HMCN1: variants seen among roughly 807,000 people sequenced by gnomAD.
HMCN1 encodes the protein hemicentin 1.
HMCN1 carries 321 observed loss-of-function variants against 625.9 expected under a neutral mutation model. The observed-to-expected ratio is 0.51, with a 90% CI of 0.47 to 0.56. The LOEUF (loss-of-function observed/expected upper bound fraction) is 0.56, where lower values mean the gene tolerates loss of function less well. HMCN1 is among the 20% of genes least tolerant of loss of function. HMCN1 has a pLI of 0.00. For missense variants in HMCN1, 6,588 were observed against 6,887.3 expected (o/e 0.96, Z 1.54); for synonymous variants, 2,425 against 2,417.6 (o/e 1.00, Z -0.09).
intron 1 of HMCN1, among the ~76,000 whole-genome samples, chr1:185,751,328 A>G (rs1654802324): frequency 6.6e-6 from 1 of 152,028 alleles, no homozygotes; most frequent in South Asian, 2.1e-4. Flanking sequence ...TGAAGATAGC[A>G]TTTTATTGTT....
chr1:185,858,736 CCA>C (rs1293308779), intron 2 of HMCN1, among the ~76,000 whole-genome samples: 2 of 150,196 alleles, frequency 1.3e-5, no homozygotes, highest in Non-Finnish European at 3.0e-5. Context: ...CAGATATGAG[CCA>C]CCATGCCTGG....
intron 80 of HMCN1, among the ~76,000 whole-genome samples, chr1:186,120,957 G>A (rs1661369970): frequency 6.6e-6 from 1 of 152,194 alleles, no homozygotes; most frequent in African/African-American, 2.4e-5. Context: ...CTGAGACAGA[G>A]AAGAATAATG....
intron 36 of HMCN1, among the ~76,000 whole-genome samples, chr1:186,032,115 A>G (rs1183963505): frequency 6.6e-6 from 1 of 152,176 alleles, no homozygotes; most frequent in Non-Finnish European, 1.5e-5. Flanking sequence ...TAATCAGCAG[A>G]GTTAACAGAC....
At chr1:185,904,084 A>G (rs913852823) in intron 4 of HMCN1, among the ~76,000 whole-genome samples, 3 of 152,002 alleles carry the variant, frequency 2.0e-5, no homozygotes, top group Admixed American at 6.6e-5. Context: ...TTTAAATTCC[A>G]TTAGATCAGT....
intron 97 of HMCN1, among the ~76,000 whole-genome samples, chr1:186,154,244 TA>T (rs1171779596): frequency 2.0e-5 from 3 of 152,274 alleles, no homozygotes; most frequent in East Asian, 1.9e-4. Flanking sequence ...CAGAGAGGGT[TA>T]AAAACATATA....
At chr1:185,964,987 G>C (rs1180861792) in intron 13 of HMCN1, among the ~76,000 whole-genome samples, 4 of 152,100 alleles carry the variant, frequency 2.6e-5, no homozygotes, top group Admixed American at 6.6e-5. Flanking sequence ...TTTTGAAAGA[G>C]AGTCTATGGA....
chr1:185,761,681 C>T (rs1655515352), intron 1 of HMCN1, among the ~76,000 whole-genome samples: 1 of 152,054 alleles, frequency 6.6e-6, no homozygotes, highest in Non-Finnish European at 1.5e-5. Context: ...ATGTAAAAAT[C>T]AAGGTTATTA....
intron 1 of HMCN1, among the ~76,000 whole-genome samples, chr1:185,761,259 G>C (rs1040177306): frequency 2.0e-5 from 3 of 152,106 alleles, no homozygotes; most frequent in African/African-American, 7.2e-5. Context: ...TTGGGGGGTG[G>C]TAGAGCTTTT....
intron 2 of HMCN1, among the ~76,000 whole-genome samples, chr1:185,862,344 AAG>A (rs1662926334): frequency 6.6e-6 from 1 of 152,124 alleles, no homozygotes; most frequent in Non-Finnish European, 1.5e-5. Context: ...GTGATAAGAA[AAG>A]TGACTAGTGG....
intron 2 of HMCN1, 115 bp downstream of exon 2, chr1:185,846,211 A>G (rs1337205978): frequency 1.3e-6 from 1 of 757,668 alleles, no homozygotes; most frequent in Non-Finnish European, 2.3e-6. Context: ...AAGGGACCCA[A>G]TAATTGCCAC....
At chr1:185,743,982 G>GTTTT (rs1214723950) in intron 1 of HMCN1, among the ~76,000 whole-genome samples, 184 of 88,168 alleles carry the variant, frequency 2.1e-3, no homozygotes, top group Non-Finnish European at 3.0e-3. Flanking sequence ...TTACTGTTTT[G>GTTTT]TTTTTTTTTT....
intron 11 of HMCN1, among the ~76,000 whole-genome samples, chr1:185,946,589 T>C (rs1210366979): frequency 6.6e-6 from 1 of 152,208 alleles, no homozygotes; most frequent in African/African-American, 2.4e-5. Context: ...GAAAAGGCTG[T>C]GTGATAATCA....
At position 186,128,243 on chromosome 1, in the gene HMCN1, A is replaced by G; in HGVS notation, c.12856A>G (p.Ile4286Val). ...ACGATTAAGCTGTAAAGCTACTGGT[A>G]TTCCATTGCCCAAATTAACATGGAC... ...QLRLSCKATG[I>V]PLPKLTWTFN... The change falls in exon 83 of 107, where the codon ATT becomes GTT. Residue 4286 changes from isoleucine to valine, a missense_variant. Coordinates refer to ENST00000271588, the MANE Select transcript of HMCN1 (RefSeq NM_031935.3). 1.2e-6 allele frequency: 2 copies of G among 1,613,574 alleles called. No individual in the cohort carries two copies. The highest frequency in any genetic ancestry group is 1.7e-5 in the Admixed American group (1 of 59,960).
At chr1:186,043,130 C>G (rs183031740) in intron 40 of HMCN1, among the ~76,000 whole-genome samples, 1 of 152,028 alleles carries the variant, frequency 6.6e-6, no homozygotes, top group African/African-American at 2.4e-5. Flanking sequence ...TTCCCAGCAA[C>G]GACAACCCTA....
intron 69 of HMCN1, among the ~76,000 whole-genome samples, 167 bp from the exon 70 acceptor site, chr1:186,106,717 A>C (rs375179082): frequency 1.7e-4 from 26 of 152,362 alleles, no homozygotes; most frequent in African/African-American, 6.0e-4. Flanking sequence ...TATAATGTAG[A>C]TACCAAACAA....
intron 29 of HMCN1, 143 bp from the exon 30 acceptor site, chr1:186,006,985 C>G (rs1653677588): frequency 4.6e-6 from 3 of 646,208 alleles, no homozygotes; most frequent in Admixed American, 2.7e-5. Context: ...AACTTTTATT[C>G]TTGGAGTGCT....
At chr1:186,067,747 A>G in intron 49 of HMCN1, 87 bp from the exon 50 acceptor site, 1 of 886,166 alleles carries the variant, frequency 1.1e-6, no homozygotes, top group South Asian at 1.4e-5. Flanking sequence ...GAATGAAATT[A>G]TACAAATACA....
At chr1:186,112,664 A>G in intron 71 of HMCN1, 148 bp from the exon 72 acceptor site, 1 of 942,372 alleles carries the variant, frequency 1.1e-6, no homozygotes, top group East Asian at 2.6e-5. Context: ...GGGATTTTTG[A>G]TACTACGAAA....
At chr1:186,166,335 A>T (rs1432317586) in intron 99 of HMCN1, 32 bp downstream of exon 99, 1 of 1,613,668 alleles carries the variant, frequency 6.2e-7, no homozygotes, top group Admixed American at 1.7e-5. Flanking sequence ...ACATTTAAGC[A>T]ATGGGTCAAG....
Sources: gnomAD v4.1 joint callset for allele counts (sites outside exome capture counted in the v4.1 genomes callset) on GRCh38, gnomAD v4.1.1 for gene constraint, MANE v1.5 for transcripts, NCBI Gene and HGNC (gene_info 2026-07-23, HGNC 2026-07-21) for gene names.